The following TBCA variants were observed in gnomAD, a reference collection of about 807,000 sequenced individuals.
TBCA encodes the protein tubulin folding cofactor A.
A neutral mutation model predicts 15.8 loss-of-function variants in TBCA; 6 were observed. The observed-to-expected ratio is 0.38, with a 90% CI of 0.21 to 0.75. The LOEUF is 0.75. TBCA is among the 30% of genes least tolerant of loss of function. TBCA has a pLI of 0.46. For missense variants in TBCA, 90 were observed against 131.2 expected (o/e 0.69, Z 1.53); for synonymous variants, 32 against 42.3 (o/e 0.76, Z 0.94).
At chr5:77,751,196 G>A (rs1198394346) in intron 1 of TBCA, among the ~76,000 whole-genome samples, 1 of 110,820 alleles carries the variant, frequency 9.0e-6, no homozygotes, top group Non-Finnish European at 1.7e-5. Flanking sequence ...ACACAGTTTC[G>A]CTCTTGTTGC....
intron 2 of TBCA, among the ~76,000 whole-genome samples, chr5:77,696,079 C>T (rs1158635583): frequency 6.6e-6 from 1 of 152,160 alleles, no homozygotes; most frequent in Non-Finnish European, 1.5e-5. Flanking sequence ...AAGAAGAGTT[C>T]TGTGAAATAA....
At position 77,751,023 on chromosome 5, in the gene TBCA, CA is replaced by C. The variant is rs541930465; in HGVS notation, c.53+25181del. On this transcript the variant is annotated intron_variant, in intron 1 of 3. Coordinates refer to ENST00000380377, the MANE Select transcript of TBCA (RefSeq NM_004607.3). ...GGTTTTGTCATGCAGATGAAGCCTC[CA>C]GGTAGCAAGCTTCAGAGAAAATAGA... 1.8e-3 allele frequency among the ~76,000 whole-genome samples: 269 copies of C among 152,178 alleles called. 1 individual carries two copies. Among genetic ancestry groups the C allele is most frequent in the African/African-American group, 6.2e-3 (258 of 41,514 alleles).
chr5:77,733,420 A>G (rs372146754), intron 1 of TBCA, among the ~76,000 whole-genome samples: 1 of 152,250 alleles, frequency 6.6e-6, no homozygotes, highest in Non-Finnish European at 1.5e-5. Flanking sequence ...GAAGGAAATT[A>G]AGAGTGCTAC....
In TBCA at chr5:77,722,551, G is replaced by T. The variant is rs1273001987; in HGVS notation, c.54-14204C>A. On this transcript the variant is annotated intron_variant, in intron 1 of 3. Coordinates refer to ENST00000380377, the MANE Select transcript of TBCA (RefSeq NM_004607.3). ...GAAGTACACTCTTCCCCTCTTAAAG[G>T]TTTCACATAATCACAGCTTTTGAGT... 2.0e-5 allele frequency among the ~76,000 whole-genome samples: 3 copies of T among 151,872 alleles called. No homozygotes were observed. In the East Asian group the frequency reaches 5.8e-4, roughly 29 times the overall value.
chr5:77,693,155 G>A (rs1745794340), intron 3 of TBCA, 111 bp downstream of exon 3: 1 of 1,538,340 alleles, frequency 6.5e-7, no homozygotes, highest in Non-Finnish European at 8.7e-7. Flanking sequence ...AAGGGCAAGT[G>A]AATAAGAAAT....
chr5:77,709,876 A>G (rs1561266634), intron 1 of TBCA, among the ~76,000 whole-genome samples: 1 of 152,186 alleles, frequency 6.6e-6, no homozygotes, highest in Non-Finnish European at 1.5e-5. Context: ...AACCCTGAAA[A>G]CATGCTAAGT....
intron 1 of TBCA, among the ~76,000 whole-genome samples, chr5:77,723,000 T>A (rs1386936081): frequency 1.3e-5 from 2 of 151,990 alleles, no homozygotes; most frequent in African/African-American, 4.8e-5. Flanking sequence ...TAAATTTTTT[T>A]AAATTCCAAT....
chr5:77,707,665 A>C (rs965258694), intron 2 of TBCA, among the ~76,000 whole-genome samples: 5 of 152,214 alleles, frequency 3.3e-5, no homozygotes, highest in South Asian at 2.1e-4. Context: ...GAAGACAATC[A>C]CAAGTAGCCA....
At chr5:77,772,555 A>G (rs1747939632) in intron 1 of TBCA, among the ~76,000 whole-genome samples, 1 of 152,180 alleles carries the variant, frequency 6.6e-6, no homozygotes, top group African/African-American at 2.4e-5. Context: ...TTTTCAGGTG[A>G]AAAATAACAA....
chr5:77,755,116 A>G (rs186631843), intron 1 of TBCA, among the ~76,000 whole-genome samples: 2 of 152,364 alleles, frequency 1.3e-5, no homozygotes, highest in Non-Finnish European at 2.9e-5. Context: ...CAATAACAAA[A>G]AGAAATGGTT....
At chr5:77,706,439 T>C (rs1019615837) in intron 2 of TBCA, among the ~76,000 whole-genome samples, 2 of 152,250 alleles carry the variant, frequency 1.3e-5, no homozygotes, top group Admixed American at 1.3e-4. Flanking sequence ...GGGAGGCTTT[T>C]GCAATAAATA....
chr5:77,708,227 A>G lies in TBCA; in HGVS notation c.159+15T>C, dbSNP rs777955976. ...CTGTAAATGTTAGCTATTGTTATTTATGATATAATTTTACCTGCTTTTTAA... is the reference window on the plus strand; with the variant it reads ...CTGTAAATGTTAGCTATTGTTATTTGTGATATAATTTTACCTGCTTTTTAA... On this transcript the variant is annotated intron_variant, in intron 2 of 3. Coordinates refer to ENST00000380377, the MANE Select transcript of TBCA (RefSeq NM_004607.3). The G allele has an allele frequency of 8.1e-7, 1 of 1,236,424 alleles. No homozygotes were observed. Among genetic ancestry groups the G allele is most frequent in the East Asian group, 2.3e-5 (1 of 44,196 alleles). The allele number at this position is 1,236,424 out of a possible 1,614,324, so 76.6% of individuals were successfully genotyped here.
intron 3 of TBCA, chr5:77,692,175 G>A: frequency 1.0e-6 from 1 of 984,730 alleles, no homozygotes; most frequent in East Asian, 1.1e-4. Flanking sequence ...TTTAAATGAA[G>A]CTATGGTTAG....
intron 1 of TBCA, among the ~76,000 whole-genome samples, chr5:77,757,857 G>T (rs1747512296): frequency 6.6e-6 from 1 of 152,200 alleles, no homozygotes; most frequent in African/African-American, 2.4e-5. Flanking sequence ...ATATATTTTA[G>T]AGAGATACAA....
At chr5:77,695,442 A>C (rs993103349) in intron 2 of TBCA, among the ~76,000 whole-genome samples, 7 of 152,322 alleles carry the variant, frequency 4.6e-5, no homozygotes, top group Middle Eastern at 3.4e-3. Context: ...ACATGAAAAG[A>C]AACATTTGAG....
chr5:77,761,778 G>A (rs1411114854), intron 1 of TBCA, among the ~76,000 whole-genome samples: 2 of 151,504 alleles, frequency 1.3e-5, no homozygotes, highest in African/African-American at 2.4e-5. Flanking sequence ...TCCAACAGAT[G>A]TTTCCATCAA....
intron 2 of TBCA, among the ~76,000 whole-genome samples, chr5:77,698,558 C>G (rs529645805): frequency 2.0e-5 from 3 of 152,148 alleles, no homozygotes; most frequent in Non-Finnish European, 2.9e-5. Flanking sequence ...CAGATAATTT[C>G]AATAGACAAT....
At chr5:77,691,676 C>T in intron 3 of TBCA, 178 bp from the exon 4 acceptor site, 1 of 1,347,584 alleles carries the variant, frequency 7.4e-7, no homozygotes, top group Non-Finnish European at 9.5e-7. Context: ...TCCTTCTTTA[C>T]AAGGAAAGGA....
At chr5:77,774,980 TAAAAAAA>T (rs60670191) in intron 1 of TBCA, among the ~76,000 whole-genome samples, 4 of 143,360 alleles carry the variant, frequency 2.8e-5, no homozygotes, top group Admixed American at 6.9e-5. Flanking sequence ...CTACAAAGAT[TAAAAAAA>T]AAAAAAAAAA....
Sources: gnomAD v4.1 joint callset for allele counts (sites outside exome capture counted in the v4.1 genomes callset) on GRCh38, gnomAD v4.1.1 for gene constraint, MANE v1.5 for transcripts, NCBI Gene and HGNC (gene_info 2026-07-23, HGNC 2026-07-21) for gene names.